Variants in NUP205 observed in about 807,000 individuals in gnomAD.
NUP205 encodes nuclear pore complex protein Nup205.
A neutral mutation model predicts 253.8 loss-of-function variants in NUP205; 76 were observed. That is an observed-to-expected ratio of 0.30 (90% CI 0.25 to 0.36). The LOEUF (loss-of-function observed/expected upper bound fraction) is 0.36, where lower values mean the gene tolerates loss of function less well. NUP205 is among the 10% of genes least tolerant of loss of function. The pLI is 1.00. For synonymous variants in NUP205, 832 were observed against 850.1 expected, an observed-to-expected ratio of 0.98 and a Z score of 0.37; for missense variants, 2,162 against 2,425.5, an observed-to-expected ratio of 0.89 and a Z score of 2.28.
At chr7:135,611,986 G>C (rs891878959) in intron 22 of NUP205, among the ~76,000 whole-genome samples, 6 of 152,058 alleles carry the variant, frequency 3.9e-5, no homozygotes, top group Non-Finnish European at 1.5e-5. Flanking sequence ...CGGGTATGGT[G>C]GTGGGCACCT....
chr7:135,600,374 G>A (rs1336281090), intron 15 of NUP205, among the ~76,000 whole-genome samples: 1 of 152,168 alleles, frequency 6.6e-6, no homozygotes, highest in Non-Finnish European at 1.5e-5. Context: ...GAGAAGGCCT[G>A]GGCTTGACTT....
Position 135,648,509 on chromosome 7 carries a change from G to C in NUP205, c.5992G>C (p.Ala1998Pro), listed in dbSNP as rs773244981. ...TCGATCTCGATATAGTTTCATACAG[G>C]CTCTTGTCAGACGTATCCGTGGCCT... The part of the protein sequence containing the change: ...KVRSRYSFIQ[A>P]LVRRIRGLLR... The change falls in exon 43 of 43, where the codon GCT (alanine) becomes CCT (proline). Residue 1998 changes from alanine (A) to proline (P), a missense_variant. Transcript: ENST00000285968. The C allele has an allele frequency of 6.2e-7, 1 of 1,602,828 alleles. No homozygotes were observed. Among genetic ancestry groups the C allele is most frequent in the South Asian group, 1.1e-5 (1 of 89,258 alleles).
Position 135,591,727 on chromosome 7 carries a change from A to G in NUP205, c.1624+127A>G, listed in dbSNP as rs1282498089. 5 of 761,704 alleles carry G rather than the reference A, an allele frequency of 6.6e-6. No individual in the cohort carries two copies. In the Admixed American group the frequency reaches 1.3e-4, roughly 20 times the overall value. 47.2% of individuals were successfully genotyped at this position (761,704 alleles called of 1,614,324 possible). On this transcript the variant is annotated intron_variant, in intron 11 of 42. Coordinates refer to ENST00000285968, the MANE Select transcript of NUP205 (RefSeq NM_015135.3). ...AGAGGTATAAATTATTTTCATAACAATAGGGTGAAGGAAGCATGCATACAG... is the reference window on the plus strand; with the variant it reads ...AGAGGTATAAATTATTTTCATAACAGTAGGGTGAAGGAAGCATGCATACAG...
Position 135,587,989 on chromosome 7 carries a change from C to T in NUP205, c.1470C>T (p.Arg490=), listed in dbSNP as rs1806520280. ...LGVAHQRPPQ[R]QVVLSKFVRQ... ...TGGCTCATCAGCGGCCCCCTCAACG[C>T]CAGGTGAGTCTTTAGGTTTTCCTCT... Residue 490 remains arginine (R), a synonymous_variant, in exon 10 of 43, where the codon CGC becomes CGT. Transcript: ENST00000285968. 4 of 1,610,300 alleles carry T rather than the reference C, an allele frequency of 2.5e-6. No individual in the cohort carries two copies. In the South Asian group the frequency reaches 3.3e-5, roughly 13 times the overall value.
chr7:135,606,033 C>G (rs1196012855), intron 19 of NUP205, 112 bp from the exon 20 acceptor site: 2 of 697,884 alleles, frequency 2.9e-6, no homozygotes, highest in Admixed American at 2.3e-5. Context: ...AATACCTAAG[C>G]AGGTTTGCCT....
intron 1 of NUP205, among the ~76,000 whole-genome samples, chr7:135,570,696 A>AATTAATTATATTTATATAATTAATATAT (rs1563109912): frequency 3.8e-5 from 2 of 52,496 alleles, no homozygotes; most frequent in East Asian, 2.3e-3. Flanking sequence ...ATATTAATAT[A>AATTAATTATATTTATATAATTAATATAT]ATTAATTATA....
chr7:135,638,806 T>C, intron 38 of NUP205, 123 bp downstream of exon 38: 4 of 996,392 alleles, frequency 4.0e-6, no homozygotes, highest in Non-Finnish European at 6.2e-6. Context: ...GGAAACATTT[T>C]AAATAAGTTT....
At chr7:135,608,218 G>T (rs777960069) in intron 22 of NUP205, among the ~76,000 whole-genome samples, 3 of 151,888 alleles carry the variant, frequency 2.0e-5, no homozygotes, top group Admixed American at 2.0e-4. Flanking sequence ...TAGAGACAGG[G>T]TTTCATCATG....
intron 1 of NUP205, among the ~76,000 whole-genome samples, chr7:135,561,708 T>A (rs576088046): frequency 7.2e-5 from 11 of 152,336 alleles, no homozygotes; most frequent in Non-Finnish European, 1.3e-4. Flanking sequence ...TCTTCCTATC[T>A]AATGTAAATC....
At chr7:135,591,220 AT>A (rs1410726137) in intron 10 of NUP205, among the ~76,000 whole-genome samples, 1 of 152,036 alleles carries the variant, frequency 6.6e-6, no homozygotes, top group Admixed American at 6.6e-5. Flanking sequence ...ACATTGAGAT[AT>A]TTTTTTAAAA....
rs765145055 is a variant in NUP205 at position 135,577,819 on chromosome 7, C to T, written c.672C>T (p.Cys224=). The T allele has an allele frequency of 1.5e-5, 24 of 1,613,760 alleles. No homozygotes were observed. The Admixed American group carries it at 1.7e-4, about 11-fold the overall frequency. Residue 224 remains cysteine, a synonymous_variant, in exon 6 of 43, where the codon TGC becomes TGT. Transcript: ENST00000285968. Reference sequence around the variant, plus strand: ...AGGTTTCTGATCTCATTAAGGAGTGCAGGCAGTCTCTTGCAGAAAGCCTTT... The same window carrying T: ...AGGTTTCTGATCTCATTAAGGAGTGTAGGCAGTCTCTTGCAGAAAGCCTTT... ...RKEVSDLIKE[C]RQSLAESLFA...
chr7:135,557,931 A>G lies in NUP205; in HGVS notation c.-14A>G. Reference sequence around the variant, plus strand: ...CTCCATGCGGCAGAAGGGCTCTGTTAGTGCGCCTCTAAGATGGCGACGCCT... The same window carrying G: ...CTCCATGCGGCAGAAGGGCTCTGTTGGTGCGCCTCTAAGATGGCGACGCCT... On this transcript the variant is annotated 5_prime_UTR_variant, in exon 1 of 43. Transcript: ENST00000285968. The G allele has an allele frequency of 6.2e-7, 1 of 1,613,204 alleles. No homozygotes were observed. The highest frequency in any genetic ancestry group is 8.5e-7 in the Non-Finnish European group (1 of 1,179,116).
In NUP205 at chr7:135,635,598, G is replaced by A; in HGVS notation, c.5077G>A (p.Asp1693Asn). The change falls in exon 36 of 43, where the codon GAC becomes AAC. Residue 1693 changes from aspartate to asparagine, a missense_variant. Asp to Asn is a conservative substitution (Grantham distance 23, BLOSUM62 1). This residue lies in a region of NUP205 where 1,144 missense variants were observed against 1,280.9 expected (regional missense o/e 0.89). Coordinates refer to ENST00000285968, the MANE Select transcript of NUP205 (RefSeq NM_015135.3). The part of the protein sequence containing the change: ...AALPGILSEL[D>N]VDVNEGSLME... ...TTTTATAGGAATATTAAGTGAACTT[G>A]ACGTTGATGTAAATGAAGGGTCTCT... The A allele has an allele frequency of 6.3e-7, 1 of 1,581,010 alleles. No individual in the cohort carries two copies. Among genetic ancestry groups the A allele is most frequent in the Non-Finnish European group, 8.7e-7 (1 of 1,153,034 alleles).
At chr7:135,595,822 G>A (rs886618858) in intron 13 of NUP205, among the ~76,000 whole-genome samples, 13 of 152,058 alleles carry the variant, frequency 8.5e-5, no homozygotes, top group Non-Finnish European at 1.6e-4. Flanking sequence ...ATATGGATGC[G>A]CTTTATAGAC....
chr7:135,599,525 A>C (rs1793920882), intron 15 of NUP205, among the ~76,000 whole-genome samples: 1 of 152,204 alleles, frequency 6.6e-6, no homozygotes, highest in Non-Finnish European at 1.5e-5. Context: ...ATGAATAATG[A>C]GTGCTGATAA....
chr7:135,634,555 TTGATACTAACCAAG>T (rs1794774027), intron 35 of NUP205, among the ~76,000 whole-genome samples: 1 of 152,142 alleles, frequency 6.6e-6, no homozygotes, highest in Non-Finnish European at 1.5e-5. Context: ...TTTCCAAAAA[TTGATACTAACCAAG>T]TTTTTGCTTG....
intron 33 of NUP205, among the ~76,000 whole-genome samples, 158 bp from the exon 34 acceptor site, chr7:135,627,815 C>T (rs1051298252): frequency 3.3e-5 from 5 of 152,140 alleles, no homozygotes; most frequent in Non-Finnish European, 1.5e-5. Context: ...ACACATCTTT[C>T]TCTGGACCGC....
rs1201231657 is a variant in NUP205 at position 135,625,339 on chromosome 7, C to T, written c.4655C>T (p.Thr1552Ile). 1.9e-6 allele frequency: 3 copies of T among 1,592,354 alleles called. No homozygotes were observed. The highest frequency in any genetic ancestry group is 2.2e-5 in the East Asian group (1 of 44,562). The change falls in exon 32 of 43, where the codon ACT (threonine) becomes ATT (isoleucine). Residue 1552 changes from threonine to isoleucine, a missense_variant. Physicochemically the swap from Thr to Ile is moderately conservative, Grantham distance 89. Coordinates refer to ENST00000285968, the MANE Select transcript of NUP205 (RefSeq NM_015135.3). ...PQPPLLKALY[T>I]YESKMAFLTR... is the part of the protein sequence containing the mutation. ...CCTCCCCTTTTAAAAGCACTTTATA[C>T]TTATGAATCTAAAATGGTAAGGCTT...
intron 16 of NUP205, 97 bp from the exon 17 acceptor site, chr7:135,601,273 G>A: frequency 9.0e-7 from 1 of 1,110,248 alleles, no homozygotes; most frequent in Non-Finnish European, 1.3e-6. Context: ...CTATCTAGAT[G>A]CCATCTAATT....
Sources: allele counts gnomAD v4.1 joint callset (sites outside exome capture counted in the v4.1 genomes callset), GRCh38; gene constraint gnomAD v4.1.1; regional missense constraint gnomAD v4.1.1; transcripts MANE v1.5; gene names NCBI Gene and HGNC (gene_info 2026-07-23, HGNC 2026-07-21).